HYAL4: variants seen among roughly 807,000 people sequenced by gnomAD.
The protein encoded by HYAL4 is hyaluronidase-4.
HYAL4 carries 37 observed loss-of-function variants against 35.2 expected under a neutral mutation model. That is an observed-to-expected ratio of 1.05 (90% confidence interval 0.81 to 1.38). The LOEUF (loss-of-function observed/expected upper bound fraction) is 1.38. Among genes scored for constraint, HYAL4 ranks in the 40% most tolerant of loss-of-function variants. The probability of loss-of-function intolerance (pLI) is 0.00; values close to 1 mark genes in which losing one functional copy is unlikely to be tolerated. For missense variants in HYAL4, 572 were observed against 572.4 expected (o/e 1.00, Z 0.01); for synonymous variants, 198 against 203.2 (o/e 0.97, Z 0.22).
the HYAL4 span, among the ~76,000 whole-genome samples, chr7:123,778,638 A>T: frequency 6.6e-6 from 1 of 152,092 alleles, no homozygotes; most frequent in Admixed American, 6.6e-5. Context: ...AACAAAAGTG[A>T]AGTTGTGATC....
At chr7:123,834,149 C>A (rs1468011565) in intron 1 of HYAL4, among the ~76,000 whole-genome samples, 4 of 152,016 alleles carry the variant, frequency 2.6e-5, no homozygotes, top group African/African-American at 9.7e-5. Flanking sequence ...ATAGGGATTG[C>A]ATTGAATTTG....
the HYAL4 span, among the ~76,000 whole-genome samples, chr7:123,789,337 G>T: frequency 7.9e-5 from 12 of 152,184 alleles, no homozygotes; most frequent in Middle Eastern, 3.2e-3. Context: ...AGCTTAGAAG[G>T]GTCATTGAAC....
At chr7:123,768,007 A>T in the HYAL4 span, among the ~76,000 whole-genome samples, 1 of 152,192 alleles carries the variant, frequency 6.6e-6, no homozygotes, top group Middle Eastern at 3.2e-3. Flanking sequence ...CTAAAAAAGT[A>T]TTTGTTATTT....
At chr7:123,788,477 T>C in the HYAL4 span, among the ~76,000 whole-genome samples, 3 of 152,338 alleles carry the variant, frequency 2.0e-5, no homozygotes, top group East Asian at 5.8e-4. Flanking sequence ...TTATCAAATA[T>C]GCTAAATTGA....
chr7:123,808,418 C>CGTGTGTGTGTGTGT, the HYAL4 span, among the ~76,000 whole-genome samples: 2 of 142,590 alleles, frequency 1.4e-5, no homozygotes, highest in African/African-American at 5.2e-5. Context: ...TGTATCATCA[C>CGTGTGTGTGTGTGT]GTGTGTGTGT....
intron 3 of HYAL4, among the ~76,000 whole-genome samples, chr7:123,872,208 G>T (rs1354549853): frequency 2.0e-5 from 3 of 151,948 alleles, no homozygotes; most frequent in Non-Finnish European, 2.9e-5. Context: ...ACTCTGTATG[G>T]CCATATTTAC....
chr7:123,821,314 CTT>C, the HYAL4 span, among the ~76,000 whole-genome samples: 3 of 152,226 alleles, frequency 2.0e-5, no homozygotes, highest in South Asian at 6.2e-4. Context: ...AACTTCAACA[CTT>C]GTTATCTTTT....
At chr7:123,808,222 A>AT in the HYAL4 span, among the ~76,000 whole-genome samples, 8 of 151,798 alleles carry the variant, frequency 5.3e-5, no homozygotes, top group African/African-American at 9.7e-5. Flanking sequence ...TTCCAATGTG[A>AT]TTTTTTTTAC....
At chr7:123,870,288 A>C (rs1244350629) in intron 3 of HYAL4, among the ~76,000 whole-genome samples, 2 of 152,200 alleles carry the variant, frequency 1.3e-5, no homozygotes, top group Non-Finnish European at 2.9e-5. Flanking sequence ...TATTCATCAG[A>C]GGGAGAAATG....
At chr7:123,867,699 A>G (rs1191302218) in intron 2 of HYAL4, among the ~76,000 whole-genome samples, 1 of 152,180 alleles carries the variant, frequency 6.6e-6, no homozygotes, top group Non-Finnish European at 1.5e-5. Context: ...ATTATCATGT[A>G]GTACTTGTTA....
chr7:123,778,558 T>A, the HYAL4 span, among the ~76,000 whole-genome samples: 1 of 152,146 alleles, frequency 6.6e-6, no homozygotes, highest in Non-Finnish European at 1.5e-5. Flanking sequence ...TTTCATTGTT[T>A]CGTACGATGT....
the HYAL4 span, among the ~76,000 whole-genome samples, chr7:123,803,270 T>A: frequency 4.6e-4 from 70 of 152,276 alleles, 1 homozygote; most frequent in African/African-American, 1.1e-3. Flanking sequence ...ATAAATTTTT[T>A]AAAAATTTTA....
At chr7:123,786,404 A>G in the HYAL4 span, among the ~76,000 whole-genome samples, 1 of 152,126 alleles carries the variant, frequency 6.6e-6, no homozygotes, top group African/African-American at 2.4e-5. Context: ...TTTGTTCACT[A>G]CTTATCTTTT....
At chr7:123,873,054 A>C (rs1584928446) in intron 3 of HYAL4, among the ~76,000 whole-genome samples, 1 of 152,280 alleles carries the variant, frequency 6.6e-6, no homozygotes, top group African/African-American at 2.4e-5. Context: ...ACTATATGAC[A>C]CCATTTTCAG....
the HYAL4 span, among the ~76,000 whole-genome samples, chr7:123,772,941 A>G: frequency 6.6e-6 from 1 of 152,236 alleles, no homozygotes; most frequent in Non-Finnish European, 1.5e-5. Flanking sequence ...TACACCCATG[A>G]AAAAGAACTG....
At chr7:123,809,888 A>T in the HYAL4 span, among the ~76,000 whole-genome samples, 3 of 152,168 alleles carry the variant, frequency 2.0e-5, no homozygotes, top group Non-Finnish European at 4.4e-5. Context: ...GCCCCAGTTG[A>T]TTGAAGCATA....
the HYAL4 span, among the ~76,000 whole-genome samples, chr7:123,803,054 T>C: frequency 1.3e-5 from 2 of 152,188 alleles, no homozygotes; most frequent in African/African-American, 4.8e-5. Context: ...TGAGAGGCTG[T>C]ACCATCCAAG....
chr7:123,870,389 C>G (rs1031912321), intron 3 of HYAL4, among the ~76,000 whole-genome samples: 9 of 152,164 alleles, frequency 5.9e-5, no homozygotes, highest in Non-Finnish European at 1.3e-4. Flanking sequence ...TTGTGAACTT[C>G]TATTCATACC....
the HYAL4 span, among the ~76,000 whole-genome samples, chr7:123,787,139 A>G: frequency 6.6e-6 from 1 of 151,730 alleles, no homozygotes; most frequent in Non-Finnish European, 1.5e-5. Context: ...AAAAAGAAAA[A>G]AAAAGCTGCA....
Sources: gnomAD v4.1 joint callset for allele counts (sites outside exome capture counted in the v4.1 genomes callset) on GRCh38, gnomAD v4.1.1 for gene constraint, MANE v1.5 for transcripts, NCBI Gene and HGNC (gene_info 2026-07-23, HGNC 2026-07-21) for gene names.